Variants in ADAMTS9 observed in about 807,000 individuals in gnomAD.
The protein encoded by ADAMTS9 is A disintegrin and metalloproteinase with thrombospondin motifs 9.
A neutral mutation model predicts 257.1 loss-of-function variants in ADAMTS9; 107 were observed. The observed-to-expected ratio is 0.42, with a 90% confidence interval of 0.36 to 0.49. The LOEUF (loss-of-function observed/expected upper bound fraction) is 0.49, where lower values mean the gene tolerates loss of function less well. Ranked by LOEUF, ADAMTS9 falls within the 20% of genes least tolerant of loss-of-function variation. The probability of loss-of-function intolerance (pLI) is 0.03; values close to 1 mark genes in which losing one functional copy is unlikely to be tolerated. For synonymous variants in ADAMTS9, 982 were observed against 880.9 expected, an observed-to-expected ratio of 1.11 and a Z score of -2.03; for missense variants, 2,353 against 2,469.1, an observed-to-expected ratio of 0.95 and a Z score of 1.00.
At chr3:64,579,241 C>T (rs972914216) in intron 28 of ADAMTS9, among the ~76,000 whole-genome samples, 4 of 152,138 alleles carry the variant, frequency 2.6e-5, no homozygotes, top group African/African-American at 9.7e-5. Context: ...CTGGTGTACT[C>T]CCGCTTTCAG....
At chr3:64,583,875 T>C (rs533723376) in intron 28 of ADAMTS9, 33 of 152,284 alleles carry the variant, frequency 2.2e-4, no homozygotes, top group African/African-American at 7.9e-4. Flanking sequence ...CCCCCATCTA[T>C]AGAAAACGTG....
At position 64,522,195 on chromosome 3, in the gene ADAMTS9, A is replaced by G. The variant is rs886767037; in HGVS notation, c.5784T>C (p.Thr1928=). 6.8e-6 allele frequency: 11 copies of G among 1,613,966 alleles called. No individual in the cohort carries two copies. The highest frequency in any genetic ancestry group is 1.7e-5 in the Admixed American group (1 of 59,982). ...GCTATAAAACTCGCACCTCCAGGCC[A>G]GTACCAGAGGATGGAGTGCATTTTC... is the stretch of plus-strand genomic sequence containing the variant. ...YCGKCTPSSG[T]GLEVRVL The change falls in exon 39 of 40, where the codon ACT becomes ACC. Residue 1928 remains threonine (T), a synonymous_variant. Coordinates refer to ENST00000498707, the MANE Select transcript of ADAMTS9 (RefSeq NM_182920.2).
intron 3 of ADAMTS9, among the ~76,000 whole-genome samples, chr3:64,674,544 T>C (rs1701577708): frequency 1.3e-5 from 2 of 152,218 alleles, no homozygotes; most frequent in Non-Finnish European, 2.9e-5. Flanking sequence ...ATAATGTGCT[T>C]CCACATTGCC....
chr3:64,535,943 C>A (rs1279797689), intron 37 of ADAMTS9, among the ~76,000 whole-genome samples: 1 of 152,056 alleles, frequency 6.6e-6, no homozygotes, highest in Non-Finnish European at 1.5e-5. Context: ...CCAAGAATGT[C>A]CCTCTTTTCT....
chr3:64,591,447 A>T (rs2084257231), intron 28 of ADAMTS9, among the ~76,000 whole-genome samples: 1 of 152,146 alleles, frequency 6.6e-6, no homozygotes, highest in South Asian at 2.1e-4. Flanking sequence ...CTCAAAAAAA[A>T]AAAGGAACCT....
Position 64,621,249 on chromosome 3 carries a change from A to G in ADAMTS9, c.2687-9T>C, listed in dbSNP as rs1281191181. On this transcript the variant is annotated splice_polypyrimidine_tract_variant and intron_variant, in intron 18 of 39. Coordinates refer to ENST00000498707, the MANE Select transcript of ADAMTS9 (RefSeq NM_182920.2). The stretch of plus-strand genomic sequence containing the variant: ...TTTTCGTTTCCGTTCCCCTAAGCAG[A>G]AAGGGAAAAAAAATTATTCAGGGAA... The G allele has an allele frequency of 6.2e-7, 1 of 1,605,868 alleles. No homozygotes were observed. The highest frequency in any genetic ancestry group is 8.5e-7 in the Non-Finnish European group (1 of 1,177,122).
intron 39 of ADAMTS9, 69 bp from the exon 40 acceptor site, chr3:64,517,190 A>T (rs938741029): frequency 1.3e-5 from 2 of 152,536 alleles, no homozygotes; most frequent in Admixed American, 1.3e-4. Flanking sequence ...TAGGCAACTG[A>T]TAAATTTTTA....
chr3:64,650,030 C>T (rs1174930048), intron 9 of ADAMTS9: 1 of 398,952 alleles, frequency 2.5e-6, no homozygotes, highest in East Asian at 4.2e-5. Context: ...ACGTTGATCA[C>T]ACTTCACAGC....
At chr3:64,678,069 C>T in intron 3 of ADAMTS9, among the ~76,000 whole-genome samples, 1 of 152,182 alleles carries the variant, frequency 6.6e-6, no homozygotes, top group East Asian at 1.9e-4. Flanking sequence ...TTGTGTCTTG[C>T]CCTGCTCCTA....
intron 20 of ADAMTS9, 130 bp from the exon 21 acceptor site, chr3:64,615,615 G>T (rs892205363): frequency 2.1e-5 from 21 of 987,352 alleles, no homozygotes; most frequent in Middle Eastern, 3.3e-4. Flanking sequence ...AGTTATTTTG[G>T]TGGAGATCTT....
chr3:64,554,207 C>A (rs938846079), intron 30 of ADAMTS9, among the ~76,000 whole-genome samples: 1 of 152,086 alleles, frequency 6.6e-6, no homozygotes, highest in Admixed American at 6.5e-5. Flanking sequence ...GCTTGTTAAG[C>A]GTTTCTCTCT....
chr3:64,685,538 C>T (rs772109382), intron 2 of ADAMTS9, among the ~76,000 whole-genome samples: 1 of 152,210 alleles, frequency 6.6e-6, no homozygotes, highest in Non-Finnish European at 1.5e-5. Context: ...CAAGGACCAC[C>T]CTTGCTCGGG....
rs76860612 is a variant in ADAMTS9 at position 64,625,344 on chromosome 3, G to A, written c.2390-2758C>T. ...TGATGCAGGCCATCTCATCAATGTA[G>A]GTGACACATTATCTTTCACCACTCA... On this transcript the variant is annotated intron_variant, in intron 16 of 39. Coordinates refer to ENST00000498707, the MANE Select transcript of ADAMTS9 (RefSeq NM_182920.2). 1.3e-3 allele frequency among the ~76,000 whole-genome samples: 196 copies of A among 152,238 alleles called. 1 individual carries two copies. The highest frequency in any genetic ancestry group is 4.4e-3 in the African/African-American group (182 of 41,526).
chr3:64,539,133 G>T (rs1427041146), intron 37 of ADAMTS9, 70 bp downstream of exon 37: 2 of 1,441,726 alleles, frequency 1.4e-6, no homozygotes, highest in African/African-American at 1.4e-5. Flanking sequence ...AGGAACAGAT[G>T]CAACTGAGGA....
At chr3:64,630,342 T>C (rs1233859782) in intron 16 of ADAMTS9, among the ~76,000 whole-genome samples, 2 of 152,180 alleles carry the variant, frequency 1.3e-5, no homozygotes, top group Non-Finnish European at 2.9e-5. Flanking sequence ...GGCAGGAAGA[T>C]CGCTTGAGGC....
At position 64,615,456 on chromosome 3, in the gene ADAMTS9, C is replaced by T; in HGVS notation, c.3054G>A (p.Gln1018=). 1.9e-6 allele frequency: 3 copies of T among 1,613,774 alleles called. No individual in the cohort carries two copies. The highest frequency in any genetic ancestry group is 2.5e-6 in the Non-Finnish European group (3 of 1,179,822). Residue 1018 remains glutamine (Q), a synonymous_variant, in exon 21 of 40, where the codon CAG becomes CAA. Coordinates refer to ENST00000498707, the MANE Select transcript of ADAMTS9 (RefSeq NM_182920.2). ...TATTGACACAAATAGCCCTTCTCCT[C>T]TGGGTCCCACCGTCACAGCTTTTTG... ...ECSKSCDGGT[Q]RRRAICVNTR...
chr3:64,603,364 G>A (rs1007138834), intron 25 of ADAMTS9, among the ~76,000 whole-genome samples: 1 of 151,942 alleles, frequency 6.6e-6, no homozygotes, highest in African/African-American at 2.4e-5. Flanking sequence ...CTTGAACTCT[G>A]GGCTTTTTGC....
intron 28 of ADAMTS9, among the ~76,000 whole-genome samples, chr3:64,573,879 T>C (rs945836580): frequency 6.6e-6 from 1 of 152,172 alleles, no homozygotes; most frequent in Non-Finnish European, 1.5e-5. Flanking sequence ...GATATAGATT[T>C]AGTGATCAAA....
intron 12 of ADAMTS9, among the ~76,000 whole-genome samples, chr3:64,639,563 A>AT (rs1553712752): frequency 5.7e-5 from 6 of 104,376 alleles, no homozygotes; most frequent in South Asian, 5.9e-4. Context: ...ACAAAGTATT[A>AT]TTTTAAAAAA....
Sources: gnomAD v4.1 joint callset for allele counts (sites outside exome capture counted in the v4.1 genomes callset) on GRCh38, gnomAD v4.1.1 for gene constraint, MANE v1.5 for transcripts, NCBI Gene and HGNC (gene_info 2026-07-23, HGNC 2026-07-21) for gene names.